The following PXN variants were observed in gnomAD, a reference collection of about 807,000 sequenced individuals.
The protein encoded by PXN is testicular tissue protein Li 134.
In PXN, 61 loss-of-function variants were observed where a neutral mutation model predicts 103.6. That is an observed-to-expected ratio of 0.59 (90% CI 0.48 to 0.73). The LOEUF is 0.73. Ranked by LOEUF, PXN falls within the 30% of genes least tolerant of loss-of-function variation. The pLI is 0.00. For missense variants in PXN, 1,274 were observed against 1,460.3 expected (o/e 0.87, Z 2.08); for synonymous variants, 562 against 607.8 (o/e 0.92, Z 1.11).
Position 120,221,839 on chromosome 12 carries a change from G to A in PXN, c.696-81C>T. 6.8e-7 allele frequency: 1 copy of A among 1,475,482 alleles called. No homozygotes were observed. Among genetic ancestry groups the A allele is most frequent in the East Asian group, 2.5e-5 (1 of 39,556 alleles). The allele number at this position is 1,475,482 out of a possible 1,614,324, so 91.4% of individuals were successfully genotyped here. ...GGGATCAGATCGACCTCTCACCTCG[G>A]ACACTGGGGTCTCACCATCCCCAAC... On this transcript the variant is annotated intron_variant, in intron 5 of 14. Transcript: ENST00000637617. The surrounding 1 kb of genome is among the most constrained non-coding windows in gnomAD (Gnocchi z 6.6).
chr12:120,237,111 T>C (rs770069182), intron 1 of PXN, among the ~76,000 whole-genome samples: 3 of 150,734 alleles, frequency 2.0e-5, no homozygotes, highest in Non-Finnish European at 4.4e-5. Context: ...CATTGCTTGC[T>C]TGCTTATGTA....
chr12:120,224,059 C>T lies in PXN; in HGVS notation c.240+92G>A. ...TGGGAAGGGTCGACTGCCCCAATTC[C>T]ATTCCATCCCCTGGCTCCCTAAGCC... On this transcript the variant is annotated intron_variant, in intron 2 of 14. Transcript: ENST00000637617. This position sits in a 1 kb window ranked among gnomAD's most constrained non-coding sequence, Gnocchi z 5.0. 4 of 1,087,996 alleles carry T rather than the reference C, an allele frequency of 3.7e-6. No homozygotes were observed. In the South Asian group the frequency reaches 6.4e-5, roughly 17 times the overall value. The allele number at this position is 1,087,996 out of a possible 1,614,324, so 67.4% of individuals were successfully genotyped here. A position where few individuals can be genotyped will look rare whatever the true frequency, so the allele number is the denominator to read the frequency against.
At chr12:120,249,778 G>T in intron 1 of PXN, 1 of 855,974 alleles carries the variant, frequency 1.2e-6, no homozygotes, top group Middle Eastern at 6.0e-4. Context: ...AGAGAGAGAA[G>T]GGGGAGGAGT....
At chr12:120,255,642 C>G (rs1892879497) in intron 1 of PXN, among the ~76,000 whole-genome samples, 1 of 151,938 alleles carries the variant, frequency 6.6e-6, no homozygotes, top group African/African-American at 2.4e-5. Flanking sequence ...TGCAGTGAGC[C>G]AAGATCATGC....
At position 120,212,569 on chromosome 12, in the gene PXN, C is replaced by T. The variant is rs25663; in HGVS notation, c.2991G>A (p.Thr997=). ...PECFVCRECF[T]PFVNGSFFEH... ...CGAAGAAGCTGCCGTTCACGAATGGCGTGAAGCATTCCTGCCAGGCGGAGA... is the reference window on the plus strand; with the variant it reads ...CGAAGAAGCTGCCGTTCACGAATGGTGTGAAGCATTCCTGCCAGGCGGAGA... Residue 997 remains threonine (T), a synonymous_variant, in exon 15 of 15, where the codon ACG becomes ACA. Coordinates refer to ENST00000637617, the MANE Select transcript of PXN (RefSeq NM_001385981.1). This position sits in a 1 kb window ranked among gnomAD's most constrained non-coding sequence, Gnocchi z 7.2. 1,946 of 1,611,694 alleles carry T rather than the reference C, an allele frequency of 1.2e-3. 29 individuals are homozygous for T. The African/African-American group carries it at 0.023, about 19-fold the overall frequency.
At position 120,219,931 on chromosome 12, in the gene PXN, G is replaced by T; in HGVS notation, c.992C>A (p.Pro331His). The T allele has an allele frequency of 6.3e-7, 1 of 1,597,854 alleles. No homozygotes were observed. The highest frequency in any genetic ancestry group is 8.5e-7 in the Non-Finnish European group (1 of 1,179,268). ...GCCTCGTCCACTCTGCTCAGTACAA[G>T]GGAACTCCGGAGTGTGGCCCTGGCC... ...PRGQGHTPEF[P>H]CTEQSGRGLL... Residue 331 changes from proline to histidine, a missense_variant, in exon 7 of 15, where the codon CCT becomes CAT. Physicochemically the swap from Pro to His is moderately conservative, Grantham distance 77. This residue lies in a region of PXN where 1,178 missense variants were observed against 1,309.0 expected (regional missense o/e 0.90). Coordinates refer to ENST00000637617, the MANE Select transcript of PXN (RefSeq NM_001385981.1). The surrounding 1 kb of genome is among the most constrained non-coding windows in gnomAD (Gnocchi z 6.5).
Position 120,211,891 on chromosome 12 carries a change from A to G in PXN, c.*423T>C, listed in dbSNP as rs768576484. The G allele has an allele frequency of 9.6e-6, 5 of 518,928 alleles. No individual in the cohort carries two copies. The highest frequency in any genetic ancestry group is 1.9e-5 in the Non-Finnish European group (5 of 260,704). 32.1% of individuals were successfully genotyped at this position (518,928 alleles called of 1,614,324 possible). On this transcript the variant is annotated 3_prime_UTR_variant, in exon 15 of 15. Transcript: ENST00000637617. ...CCCCAATAATCACAGAACAAAGACA[A>G]TTAGGTCGGGGGAGGAATAAGGATA...
chr12:120,246,859 A>AG (rs1331580818), intron 1 of PXN, among the ~76,000 whole-genome samples: 2 of 151,692 alleles, frequency 1.3e-5, no homozygotes, highest in African/African-American at 4.8e-5. Flanking sequence ...TGTCTTAAAA[A>AG]AAAAAAAAAA....
In PXN at chr12:120,214,810, G is replaced by T. The variant is rs372481859; in HGVS notation, c.2748+15C>A. On this transcript the variant is annotated intron_variant, in intron 12 of 14. Coordinates refer to ENST00000637617, the MANE Select transcript of PXN (RefSeq NM_001385981.1). This position sits in a 1 kb window ranked among gnomAD's most constrained non-coding sequence, Gnocchi z 5.0. ...AATGAGCGGAAGCGGGCGCGGTGCC[G>T]GATGAGGAACTCACATCCAGGATGG... 1 of 1,613,206 alleles carries T rather than the reference G, an allele frequency of 6.2e-7. No individual in the cohort carries two copies. Among genetic ancestry groups the T allele is most frequent in the Non-Finnish European group, 8.5e-7 (1 of 1,179,346 alleles).
In PXN at chr12:120,229,846, C is replaced by T. The variant is rs2136398932; in HGVS notation, c.14-5469G>A. On this transcript the variant is annotated intron_variant, in intron 1 of 14. Coordinates refer to ENST00000637617, the MANE Select transcript of PXN (RefSeq NM_001385981.1). This position sits in a 1 kb window ranked among gnomAD's most constrained non-coding sequence, Gnocchi z 4.0. Reference sequence around the variant, plus strand: ...ATGTGGGGCATGGAGCCAGCTTTTCCATCCCTTCTTGGAGTTTACAGGCTG... The same window carrying T: ...ATGTGGGGCATGGAGCCAGCTTTTCTATCCCTTCTTGGAGTTTACAGGCTG... 6.6e-6 allele frequency among the ~76,000 whole-genome samples: 1 copy of T among 152,258 alleles called. No homozygotes were observed. Among genetic ancestry groups the T allele is most frequent in the Admixed American group, 6.5e-5 (1 of 15,292 alleles).
chr12:120,251,909 A>G (rs1296702183), intron 1 of PXN, among the ~76,000 whole-genome samples: 2 of 152,196 alleles, frequency 1.3e-5, no homozygotes, highest in Non-Finnish European at 2.9e-5. Flanking sequence ...TTATCCCAAG[A>G]ATGAACGATA....
At position 120,220,638 on chromosome 12, in the gene PXN, C is replaced by A. The variant is rs1316894289; in HGVS notation, c.832-547G>T. ...CAGCCTTAAAAGCACCGGGGCACAG[C>A]TCCCTCAGGCCAGGCCCTGAATCCA... On this transcript the variant is annotated intron_variant, in intron 6 of 14. Coordinates refer to ENST00000637617, the MANE Select transcript of PXN (RefSeq NM_001385981.1). The surrounding 1 kb of genome is among the most constrained non-coding windows in gnomAD (Gnocchi z 6.1). 1.3e-5 allele frequency among the ~76,000 whole-genome samples: 2 copies of A among 152,220 alleles called. No individual in the cohort carries two copies. Among genetic ancestry groups the A allele is most frequent in the African/African-American group, 2.4e-5 (1 of 41,460 alleles).
At chr12:120,258,332 C>T (rs1893341609) in intron 1 of PXN, among the ~76,000 whole-genome samples, 1 of 152,190 alleles carries the variant, frequency 6.6e-6, no homozygotes, top group Admixed American at 6.5e-5. Flanking sequence ...ATGAGGCTGC[C>T]TCCACACCTA....
At position 120,217,573 on chromosome 12, in the gene PXN, CCTTCCAGGAA is replaced by C; in HGVS notation, c.1717-467_1717-458del. Among the ~76,000 whole-genome samples, 1 of 151,734 alleles carries C rather than the reference CCTTCCAGGAA, an allele frequency of 6.6e-6. No homozygotes were observed. Among genetic ancestry groups the C allele is most frequent in the South Asian group, 2.1e-4 (1 of 4,806 alleles). On this transcript the variant is annotated intron_variant, in intron 7 of 14. Transcript: ENST00000637617. This position sits in a 1 kb window ranked among gnomAD's most constrained non-coding sequence, Gnocchi z 4.1. ...TTAATTTATAATAGAAAAAGTGTTTCCTTCCAGGAACTTTTTTTTGGGGGGGGACAGAGTC... is the reference window on the plus strand; with the variant it reads ...TTAATTTATAATAGAAAAAGTGTTTCCTTTTTTTTGGGGGGGGACAGAGTC...
At chr12:120,242,467 G>A (rs149198712) in intron 1 of PXN, among the ~76,000 whole-genome samples, 13 of 152,252 alleles carry the variant, frequency 8.5e-5, no homozygotes, top group Non-Finnish European at 1.3e-4. Context: ...ATGAGCATGC[G>A]GCTCACCACT....
At chr12:120,243,898 T>G (rs1890591483) in intron 1 of PXN, among the ~76,000 whole-genome samples, 1 of 152,078 alleles carries the variant, frequency 6.6e-6, no homozygotes, top group African/African-American at 2.4e-5. Context: ...ACATTGTGGG[T>G]AGGGAGTACG....
chr12:120,255,423 C>T (rs559974069), intron 1 of PXN, among the ~76,000 whole-genome samples: 1 of 152,168 alleles, frequency 6.6e-6, no homozygotes, highest in East Asian at 1.9e-4. Flanking sequence ...ACAGGCCGGG[C>T]GCGGTGGCTC....
At chr12:120,235,434 C>A (rs969343595) in intron 1 of PXN, among the ~76,000 whole-genome samples, 2 of 152,132 alleles carry the variant, frequency 1.3e-5, no homozygotes, top group Non-Finnish European at 2.9e-5. Context: ...CCCAGAGCCG[C>A]CCCATAAGGC....
chr12:120,216,356 G>A lies in PXN; in HGVS notation c.2218C>T (p.Pro740Ser). The A allele has an allele frequency of 7.7e-7, 1 of 1,301,366 alleles. No individual in the cohort carries two copies. The highest frequency in any genetic ancestry group is 9.7e-7 in the Non-Finnish European group (1 of 1,030,284). 80.6% of individuals were successfully genotyped at this position (1,301,366 alleles called of 1,614,324 possible). The change falls in exon 9 of 15, where the codon CCT becomes TCT. Residue 740 changes from proline (P) to serine (S), a missense_variant. This residue lies in a region of PXN where 1,178 missense variants were observed against 1,309.0 expected (regional missense o/e 0.90). Transcript: ENST00000637617. The surrounding 1 kb of genome is among the most constrained non-coding windows in gnomAD (Gnocchi z 5.1). Reference protein sequence around the residue: ...EEPHDEGVQGPALPIPAPHTM... With the variant: ...EEPHDEGVQGSALPIPAPHTM... ...TGGGGTGCAGGAATGGGAAGGGCAG[G>A]GCCCTGCACCCCCTCATCATGGGGC...
Sources: allele counts gnomAD v4.1 joint callset (sites outside exome capture counted in the v4.1 genomes callset), GRCh38; gene constraint gnomAD v4.1.1; regional missense constraint gnomAD v4.1.1; non-coding constraint Gnocchi (gnomAD v3.1); transcripts MANE v1.5; gene names NCBI Gene and HGNC (gene_info 2026-07-23, HGNC 2026-07-21).